NAGLU: variants seen among roughly 807,000 people sequenced by gnomAD.
NAGLU encodes N-acetyl-alpha-glucosaminidase, also known as alpha-N-acetylglucosaminidase.
A neutral mutation model predicts 43.4 loss-of-function variants in NAGLU; 34 were observed. The observed-to-expected ratio is 0.78, with a 90% CI of 0.60 to 1.04. The LOEUF (loss-of-function observed/expected upper bound fraction) is 1.04, where lower values mean the gene tolerates loss of function less well. Ranked by LOEUF, NAGLU falls within the 50% of genes least tolerant of loss-of-function variation. The pLI is 0.00. For synonymous variants in NAGLU, 425 were observed against 437.6 expected (o/e 0.97, Z 0.36); for missense variants, 910 against 993.7 (o/e 0.92, Z 1.13).
At chr17:42,542,798 ACCT>A (rs1186774667) in intron 5 of NAGLU, among the ~76,000 whole-genome samples, 10 of 152,070 alleles carry the variant, frequency 6.6e-5, no homozygotes, top group Non-Finnish European at 1.5e-5. Flanking sequence ...CCATTCAGAA[ACCT>A]CCATGTTTTA....
At position 42,536,474 on chromosome 17, in the gene NAGLU, G is replaced by A; in HGVS notation, c.202G>A (p.Gly68Ser). ...GCCGGGCTTGGACACCTACAGCCTG[G>A]GCGGCGGCGGCGCGGCGCGCGTGCG... ...AKPGLDTYSL[G>S]GGGAARVRVR... Residue 68 changes from glycine (G) to serine (S), a missense_variant, in exon 1 of 6, where the codon GGC becomes AGC. Gly to Ser is a moderately conservative substitution (Grantham distance 56). Coordinates refer to ENST00000225927, the MANE Select transcript of NAGLU (RefSeq NM_000263.4). 8.2e-7 allele frequency: 1 copy of A among 1,213,210 alleles called. No individual in the cohort carries two copies. Among genetic ancestry groups the A allele is most frequent in the Non-Finnish European group, 1.0e-6 (1 of 976,680 alleles). The allele number at this position is 1,213,210 out of a possible 1,614,324, so 75.2% of individuals were successfully genotyped here. A position where few individuals can be genotyped will look rare whatever the true frequency, so the allele number is the denominator to read the frequency against.
rs555145190 is a variant in NAGLU, at chr17:42,543,921, G to C, written c.1915G>C (p.Glu639Gln). The C allele has an allele frequency of 4.4e-6, 7 of 1,606,840 alleles. No homozygotes were observed. The highest frequency in any genetic ancestry group is 1.3e-5 in the African/African-American group (1 of 74,812). Reference sequence around the variant, plus strand: ...CAGTGAGGCCGAGGCCGATTTCTACGAGCAGAACAGCCGCTACCAGCTGAC... The same window carrying C: ...CAGTGAGGCCGAGGCCGATTTCTACCAGCAGAACAGCCGCTACCAGCTGAC... ...AVSEAEADFYEQNSRYQLTLW... is the reference protein window; with the variant it reads ...AVSEAEADFYQQNSRYQLTLW... The change falls in exon 6 of 6, where the codon GAG becomes CAG. Residue 639 changes from glutamate to glutamine, a missense_variant. Glu to Gln is a conservative substitution (Grantham distance 29). Transcript: ENST00000225927.
Position 42,538,380 on chromosome 17 carries a change from G to A in NAGLU, c.573G>A (p.Glu191=). The A allele has an allele frequency of 6.2e-7, 1 of 1,614,254 alleles. No homozygotes were observed. Among genetic ancestry groups the A allele is most frequent in the South Asian group, 1.1e-5 (1 of 91,090 alleles). The change falls in exon 3 of 6, where the codon GAG becomes GAA. Residue 191 remains glutamate (E), a synonymous_variant. Coordinates refer to ENST00000225927, the MANE Select transcript of NAGLU (RefSeq NM_000263.4). ...GCCTGACCCAGGCAGAGATCAATGAGTTCTTTACTGGTCCTGCCTTCCTGG... is the reference window on the plus strand; with the variant it reads ...GCCTGACCCAGGCAGAGATCAATGAATTCTTTACTGGTCCTGCCTTCCTGG... ...ALGLTQAEIN[E]FFTGPAFLAW... is the part of the protein sequence containing the mutation.
At chr17:42,542,856 C>T (rs1373745503) in intron 5 of NAGLU, among the ~76,000 whole-genome samples, 172 bp from the exon 6 acceptor site, 2 of 152,272 alleles carry the variant, frequency 1.3e-5, no homozygotes, top group East Asian at 3.8e-4. Flanking sequence ...GCTGCTGAAC[C>T]CTGTCCTGGA....
rs659497 is a variant in NAGLU, at chr17:42,537,437, T to C, written c.423T>C (p.Ser141=). ...AGAATGTGTGCACGCAAAGCTACTC[T>C]TTCGTGTGGTGGGACTGGGCCCGCT... ...YYQNVCTQSY[S]FVWWDWARWE... The change falls in exon 2 of 6, where the codon TCT becomes TCC. Residue 141 remains serine (S), a synonymous_variant. Transcript: ENST00000225927. 0.99 allele frequency: 1,603,057 copies of C among 1,614,250 alleles called. 795,981 individuals carry two copies. The highest frequency in any genetic ancestry group is 1 in the East Asian group (44,878 of 44,878).
rs12941456 is a variant in NAGLU, at chr17:42,536,269, G to A, written c.-4G>A. 3 of 1,217,942 alleles carry A rather than the reference G, an allele frequency of 2.5e-6. No individual in the cohort carries two copies. Among genetic ancestry groups the A allele is most frequent in the African/African-American group, 3.1e-5 (2 of 63,746 alleles). 75.4% of individuals were successfully genotyped at this position (1,217,942 alleles called of 1,614,324 possible). On this transcript the variant is annotated 5_prime_UTR_variant, in exon 1 of 6. Transcript: ENST00000225927. ...GCCGTCGCGGGACCCGCAGGACTGA[G>A]ACCATGGAGGCGGTGGCGGTGGCCG...
chr17:42,539,738 G>T (rs920643724), intron 4 of NAGLU, among the ~76,000 whole-genome samples: 2 of 152,354 alleles, frequency 1.3e-5, no homozygotes, highest in Admixed American at 1.3e-4. Context: ...TGGGGACAAG[G>T]ACAGGAATAT....
chr17:42,537,217 T>TA (rs2092908765), intron 1 of NAGLU, 181 bp from the exon 2 acceptor site: 5 of 825,106 alleles, frequency 6.1e-6, no homozygotes, highest in Non-Finnish European at 9.7e-6. Context: ...AGGGGACGAG[T>TA]GCCTCAGAAG....
intron 5 of NAGLU, among the ~76,000 whole-genome samples, chr17:42,542,230 A>C (rs937594419): frequency 4.0e-5 from 6 of 151,878 alleles, no homozygotes; most frequent in African/African-American, 1.5e-4. Flanking sequence ...CACTCGGCTA[A>C]TTTTTGTATT....
chr17:42,541,328 T>C (rs2092921444), intron 5 of NAGLU, 122 bp downstream of exon 5: 1 of 1,375,984 alleles, frequency 7.3e-7, no homozygotes, highest in South Asian at 1.2e-5. Context: ...CAGTACTTCA[T>C]AGTTTACCAA....
At position 42,543,318 on chromosome 17, in the gene NAGLU, A is replaced by G. The variant is rs2092926623; in HGVS notation, c.1312A>G (p.Met438Val). 6.2e-7 allele frequency: 1 copy of G among 1,613,612 alleles called. No homozygotes were observed. The highest frequency in any genetic ancestry group is 1.7e-5 in the Admixed American group (1 of 60,030). Residue 438 changes from methionine to valine, a missense_variant, in exon 6 of 6, where the codon ATG (methionine) becomes GTG (valine). Transcript: ENST00000225927. Reference sequence around the variant, plus strand: ...TGCCCGCCTCTTCCCCAACTCCACCATGGTAGGCACGGGCATGGCCCCCGA... The same window carrying G: ...TGCCCGCCTCTTCCCCAACTCCACCGTGGTAGGCACGGGCATGGCCCCCGA... Reference protein sequence around the residue: ...EAARLFPNSTMVGTGMAPEGI... With the variant: ...EAARLFPNSTVVGTGMAPEGI...
At position 42,538,494 on chromosome 17, in the gene NAGLU, A is replaced by G; in HGVS notation, c.678+9A>G. ...AGCAGCTTTACCTGCAGGTAAAAGG[A>G]TGGAAAAGGGAAGGGGCAGAATCGG... On this transcript the variant is annotated intron_variant, in intron 3 of 5. Coordinates refer to ENST00000225927, the MANE Select transcript of NAGLU (RefSeq NM_000263.4). The G allele has an allele frequency of 6.2e-7, 1 of 1,613,944 alleles. No homozygotes were observed. The highest frequency in any genetic ancestry group is 8.5e-7 in the Non-Finnish European group (1 of 1,179,982).
Position 42,536,559 on chromosome 17 carries a change from T to C in NAGLU, c.287T>C (p.Phe96Ser), listed in dbSNP as rs1218148347. 1 of 1,478,038 alleles carries C rather than the reference T, an allele frequency of 6.8e-7. No individual in the cohort carries two copies. The highest frequency in any genetic ancestry group is 8.9e-7 in the Non-Finnish European group (1 of 1,121,352). 91.6% of individuals were successfully genotyped at this position (1,478,038 alleles called of 1,614,324 possible). ...GGGCTGCACCGCTACCTGCGCGACTTCTGTGGCTGCCACGTGGCCTGGTCC... is the reference window on the plus strand; with the variant it reads ...GGGCTGCACCGCTACCTGCGCGACTCCTGTGGCTGCCACGTGGCCTGGTCC... ...AAGLHRYLRDFCGCHVAWSGS... is the reference protein window; with the variant it reads ...AAGLHRYLRDSCGCHVAWSGS... Residue 96 changes from phenylalanine to serine, a missense_variant, in exon 1 of 6, where the codon TTC becomes TCC. Physicochemically the swap from Phe to Ser is radical, Grantham distance 155. Coordinates refer to ENST00000225927, the MANE Select transcript of NAGLU (RefSeq NM_000263.4).
At chr17:42,542,982 T>C in intron 5 of NAGLU, 46 bp from the exon 6 acceptor site, 2 of 1,597,310 alleles carry the variant, frequency 1.3e-6, no homozygotes, top group South Asian at 2.2e-5. Context: ...CTGGGCCCTC[T>C]GTTTCATCAC....
In NAGLU at chr17:42,537,468, C is replaced by A; in HGVS notation, c.454C>A (p.Arg152=). ...FVWWDWARWE[R]EIDWMALNGI... ...GTGGTGGGACTGGGCCCGCTGGGAG[C>A]GAGAGATAGACTGGATGGCGCTGAA... Residue 152 remains arginine (R), a synonymous_variant, in exon 2 of 6, where the codon CGA becomes AGA. Coordinates refer to ENST00000225927, the MANE Select transcript of NAGLU (RefSeq NM_000263.4). The A allele has an allele frequency of 6.2e-7, 1 of 1,614,224 alleles. No homozygotes were observed. Among genetic ancestry groups the A allele is most frequent in the South Asian group, 1.1e-5 (1 of 91,092 alleles).
At chr17:42,539,973 G>A (rs1391711364) in intron 4 of NAGLU, among the ~76,000 whole-genome samples, 1 of 152,014 alleles carries the variant, frequency 6.6e-6, no homozygotes, top group Non-Finnish European at 1.5e-5. Flanking sequence ...AATTAGCCAG[G>A]CGTGGTGGCG....
chr17:42,541,015 G>A lies in NAGLU; in HGVS notation c.830G>A (p.Cys277Tyr). 1 of 1,614,206 alleles carries A rather than the reference G, an allele frequency of 6.2e-7. No individual in the cohort carries two copies. The highest frequency in any genetic ancestry group is 8.5e-7 in the Non-Finnish European group (1 of 1,180,028). ...GGCCACTTTAACTGTTCCTACTCCT[G>A]CTCCTTCCTTCTGGCTCCGGAAGAC... ...SWGHFNCSYSCSFLLAPEDPI... is the reference protein window; with the variant it reads ...SWGHFNCSYSYSFLLAPEDPI... The change falls in exon 5 of 6, where the codon TGC becomes TAC. Residue 277 changes from cysteine to tyrosine, a missense_variant. Physicochemically the swap from Cys to Tyr is radical, Grantham distance 194. Coordinates refer to ENST00000225927, the MANE Select transcript of NAGLU (RefSeq NM_000263.4).
At position 42,543,235 on chromosome 17, in the gene NAGLU, T is replaced by G; in HGVS notation, c.1229T>G (p.Phe410Cys). 2.5e-6 allele frequency: 4 copies of G among 1,614,200 alleles called. No individual in the cohort carries two copies. The South Asian group carries it at 4.4e-5, about 18-fold the overall frequency. ...TTCATCTGGTGCATGCTGCACAACT[T>G]TGGGGGAAACCATGGTCTTTTTGGA... ...QPFIWCMLHN[F>C]GGNHGLFGAL... Residue 410 changes from phenylalanine (F) to cysteine (C), a missense_variant, in exon 6 of 6, where the codon TTT (phenylalanine) becomes TGT (cysteine). Coordinates refer to ENST00000225927, the MANE Select transcript of NAGLU (RefSeq NM_000263.4).
At position 42,536,513 on chromosome 17, in the gene NAGLU, A is replaced by G. The variant is rs2092906625; in HGVS notation, c.241A>G (p.Thr81Ala). The G allele has an allele frequency of 2.4e-6, 3 of 1,271,552 alleles. No individual in the cohort carries two copies. The highest frequency in any genetic ancestry group is 2.8e-5 in the South Asian group (1 of 35,880). 78.8% of individuals were successfully genotyped at this position (1,271,552 alleles called of 1,614,324 possible). ...GAARVRVRGS[T>A]GVAAAAGLHR... ...GGCGCGCGTGCGGGTGCGCGGCTCC[A>G]CGGGCGTGGCGGCCGCCGCGGGGCT... Residue 81 changes from threonine to alanine, a missense_variant, in exon 1 of 6, where the codon ACG (threonine) becomes GCG (alanine). Physicochemically the swap from Thr to Ala is moderately conservative, Grantham distance 58 (BLOSUM62 0). Coordinates refer to ENST00000225927, the MANE Select transcript of NAGLU (RefSeq NM_000263.4).
Sources: allele counts gnomAD v4.1 joint callset (sites outside exome capture counted in the v4.1 genomes callset), GRCh38; gene constraint gnomAD v4.1.1; transcripts MANE v1.5; gene names NCBI Gene and HGNC (gene_info 2026-07-23, HGNC 2026-07-21).